NMU: variants seen among roughly 807,000 people sequenced by gnomAD.
NMU encodes the protein neuromedin-U.
In NMU, 29 loss-of-function variants were observed where a neutral mutation model predicts 35.4. The observed-to-expected ratio is 0.82, with a 90% CI of 0.61 to 1.12. The LOEUF (loss-of-function observed/expected upper bound fraction) is 1.12, where lower values mean the gene tolerates loss of function less well. Among genes scored for constraint, NMU ranks in the 50% most tolerant of loss-of-function variants. NMU has a pLI of 0.00. For synonymous variants in NMU, 78 were observed against 81.3 expected, an observed-to-expected ratio of 0.96 and a Z score of 0.22; for missense variants, 199 against 206.2, an observed-to-expected ratio of 0.97 and a Z score of 0.21.
At chr4:55,604,616 C>T (rs1463377878) in intron 7 of NMU, among the ~76,000 whole-genome samples, 3 of 137,626 alleles carry the variant, frequency 2.2e-5, no homozygotes, top group African/African-American at 5.3e-5. Flanking sequence ...TGGGTTCAAG[C>T]GATTCTTGTG....
intron 6 of NMU, among the ~76,000 whole-genome samples, chr4:55,606,861 A>T (rs1171109299): frequency 6.6e-6 from 1 of 152,086 alleles, no homozygotes; most frequent in African/African-American, 2.4e-5. Context: ...TATTTTTAGT[A>T]GAGACAGGGT....
chr4:55,603,997 ACG>A (rs1491174054), intron 7 of NMU, among the ~76,000 whole-genome samples: 1 of 55,716 alleles, frequency 1.8e-5, no homozygotes, highest in Non-Finnish European at 3.6e-5. Context: ...GTATATATAT[ACG>A]TATATATGTA....
chr4:55,616,446 A>G, intron 2 of NMU, 61 bp from the exon 3 acceptor site: 3 of 1,298,796 alleles, frequency 2.3e-6, no homozygotes. Flanking sequence ...CAGAAAGTAG[A>G]TTTTACAAAG....
rs555847482 is a variant in NMU, at chr4:55,607,332, G to A, written c.326C>T (p.Ser109Leu). 1.6e-5 allele frequency: 25 copies of A among 1,606,598 alleles called. No individual in the cohort carries two copies. The highest frequency in any genetic ancestry group is 6.6e-5 in the South Asian group (6 of 90,812). The stretch of plus-strand genomic sequence containing the variant: ...TGACTTGCCCAACTTCTGTGTCTTC[G>A]AATAATGAAATAAGAACTGTTTAAA... ...DNTKRFLFHY[S>L]KTQKLGKSNV... The change falls in exon 6 of 10, where the codon TCG (serine) becomes TTG (leucine). Residue 109 changes from serine (S) to leucine (L), a missense_variant. Transcript: ENST00000264218.
At chr4:55,612,821 A>G (rs952907193) in intron 3 of NMU, among the ~76,000 whole-genome samples, 2 of 152,250 alleles carry the variant, frequency 1.3e-5, no homozygotes, top group Non-Finnish European at 2.9e-5. Flanking sequence ...TATAGACCTT[A>G]AAGATAACAT....
intron 1 of NMU, 93 bp downstream of exon 1, chr4:55,635,983 CAAGTA>C: frequency 6.6e-7 from 1 of 1,523,598 alleles, no homozygotes; most frequent in Non-Finnish European, 8.8e-7. Flanking sequence ...TCCCAGAAGC[CAAGTA>C]AAGGTGAGAG....
At chr4:55,599,933 C>T (rs1388869452) in intron 8 of NMU, among the ~76,000 whole-genome samples, 6 of 152,112 alleles carry the variant, frequency 3.9e-5, no homozygotes, top group East Asian at 1.9e-4. Flanking sequence ...CATTGCTCAG[C>T]ACCCAGTAGA....
chr4:55,618,174 TG>T (rs1256037271), intron 2 of NMU, among the ~76,000 whole-genome samples: 1 of 152,220 alleles, frequency 6.6e-6, no homozygotes, highest in Non-Finnish European at 1.5e-5. Flanking sequence ...GTGTTTCTAG[TG>T]CCTGGGTAGC....
intron 9 of NMU, among the ~76,000 whole-genome samples, chr4:55,597,706 C>T (rs1411377556): frequency 2.0e-5 from 3 of 152,120 alleles, no homozygotes; most frequent in African/African-American, 7.2e-5. Flanking sequence ...ATTTTTTCCC[C>T]ATACCTATTA....
Position 55,636,214 on chromosome 4 carries a change from G to C in NMU, c.-22C>G. 3.4e-6 allele frequency: 5 copies of C among 1,457,408 alleles called. No homozygotes were observed. In the South Asian group the frequency reaches 4.3e-5, roughly 12 times the overall value. 90.3% of individuals were successfully genotyped at this position (1,457,408 alleles called of 1,614,324 possible). ...GCATCTCGGCGGCTGCGGGAGGCTC[G>C]GTGCTAGGGACGCTGCGCTGCGCCA... is the stretch of plus-strand genomic sequence containing the variant. On this transcript the variant is annotated 5_prime_UTR_variant, in exon 1 of 10. Coordinates refer to ENST00000264218, the MANE Select transcript of NMU (RefSeq NM_006681.4). The surrounding 1 kb of genome is among the most constrained non-coding windows in gnomAD (Gnocchi z 4.0).
At chr4:55,595,563 T>TATATATATATATATAC (rs755203914) in intron 9 of NMU, among the ~76,000 whole-genome samples, 152 bp from the exon 10 acceptor site, 7 of 120,054 alleles carry the variant, frequency 5.8e-5, no homozygotes, top group African/African-American at 1.5e-4. Context: ...TATATATATA[T>TATATATATATATATAC]ACACACACAC....
chr4:55,597,350 T>C (rs1302688919), intron 9 of NMU, among the ~76,000 whole-genome samples: 11 of 151,846 alleles, frequency 7.2e-5, no homozygotes. Context: ...CTTCTTCTTC[T>C]TTTTGAGACA....
chr4:55,636,478 C>A, upstream of NMU: 1 of 395,238 alleles, frequency 2.5e-6, no homozygotes, highest in Non-Finnish European at 4.4e-6. The surrounding 1 kb of genome is among the most constrained non-coding windows in gnomAD (Gnocchi z 4.0). Context: ...GAGTTTCTGA[C>A]CCGAGTACCA....
chr4:55,612,406 CA>C (rs1733969083), intron 3 of NMU, among the ~76,000 whole-genome samples: 1 of 151,994 alleles, frequency 6.6e-6, no homozygotes, highest in Non-Finnish European at 1.5e-5. Flanking sequence ...TCTCTAAAAA[CA>C]AAAACAAAAT....
rs1202171995 is a variant in NMU, at chr4:55,613,679, C to T, written c.219+2659G>A. ...CACTGAGTGTGGCCCCCCACATTGA[C>T]TCTTTGTCTTGCTTTGGCCAGTGAG... is the stretch of plus-strand genomic sequence containing the variant. On this transcript the variant is annotated intron_variant, in intron 3 of 9. Transcript: ENST00000264218. 5.3e-5 allele frequency among the ~76,000 whole-genome samples: 8 copies of T among 152,240 alleles called. No homozygotes were observed. The East Asian group carries it at 1.2e-3, about 22-fold the overall frequency.
chr4:55,613,502 G>A (rs921103865), intron 3 of NMU, among the ~76,000 whole-genome samples: 3 of 152,040 alleles, frequency 2.0e-5, no homozygotes, highest in Non-Finnish European at 4.4e-5. Flanking sequence ...GTTGTGTACC[G>A]AATTGCCCAC....
chr4:55,631,225 G>C (rs931244578), intron 1 of NMU, among the ~76,000 whole-genome samples: 11 of 152,056 alleles, frequency 7.2e-5, no homozygotes, highest in Non-Finnish European at 1.3e-4. Flanking sequence ...AACAATTCTA[G>C]AAGGTCCATT....
chr4:55,616,189 A>G, intron 3 of NMU, 149 bp downstream of exon 3: 1 of 673,584 alleles, frequency 1.5e-6, no homozygotes, highest in South Asian at 1.8e-5. Flanking sequence ...ACAAGCCCAC[A>G]GTATTGATTA....
intron 2 of NMU, among the ~76,000 whole-genome samples, chr4:55,618,626 CTTCT>C (rs979553718): frequency 2.7e-5 from 4 of 149,928 alleles, no homozygotes; most frequent in Non-Finnish European, 4.5e-5. Context: ...TCTCCTCTTT[CTTCT>C]TTCTTTTCTT....
Sources: allele counts gnomAD v4.1 joint callset (sites outside exome capture counted in the v4.1 genomes callset), GRCh38; gene constraint gnomAD v4.1.1; non-coding constraint Gnocchi (gnomAD v3.1); transcripts MANE v1.5; gene names NCBI Gene and HGNC (gene_info 2026-07-23, HGNC 2026-07-21).